The following BARD1 variants were observed in gnomAD, a reference collection of about 807,000 sequenced individuals.
BARD1 encodes the protein BRCA1-associated RING domain protein 1.
In BARD1, 73 loss-of-function variants were observed where a neutral mutation model predicts 77.0. That is an observed-to-expected ratio of 0.95 (90% CI 0.79 to 1.15). BARD1 has a LOEUF of 1.15. Among genes scored for constraint, BARD1 ranks in the 50% most tolerant of loss-of-function variants. The pLI, the probability that BARD1 is intolerant of heterozygous loss-of-function variation, is 0.00. For missense variants in BARD1, 993 were observed against 938.8 expected (o/e 1.06, Z -0.75); for synonymous variants, 384 against 338.0 (o/e 1.14, Z -1.49).
intron 1 of BARD1, among the ~76,000 whole-genome samples, chr2:214,800,202 G>A (rs1695953174): frequency 6.6e-6 from 1 of 152,164 alleles, no homozygotes; most frequent in Non-Finnish European, 1.5e-5. Flanking sequence ...TATTAGTAAT[G>A]ATTTAACATG....
At chr2:214,750,537 T>C (rs1401848626) in intron 7 of BARD1, among the ~76,000 whole-genome samples, 2 of 152,178 alleles carry the variant, frequency 1.3e-5, no homozygotes, top group East Asian at 1.9e-4. Flanking sequence ...ATTCTCACTT[T>C]GTACACCTGA....
In BARD1 at chr2:214,781,949, T is replaced by G. The variant is rs1331691614; in HGVS notation, c.365-440A>C. On this transcript the variant is annotated intron_variant, in intron 3 of 10. Coordinates refer to ENST00000260947, the MANE Select transcript of BARD1 (RefSeq NM_000465.4). ...GATTTACAGATATAACAAATCCCAA[T>G]GTAATTTCCAGTAGGCTTGTTTGTA... is the stretch of plus-strand genomic sequence containing the variant. 3.3e-5 allele frequency among the ~76,000 whole-genome samples: 5 copies of G among 152,156 alleles called. No homozygotes were observed. In the East Asian group the frequency reaches 9.6e-4, roughly 29 times the overall value.
chr2:214,809,012 A>C (rs1696420927), intron 1 of BARD1, among the ~76,000 whole-genome samples: 1 of 152,320 alleles, frequency 6.6e-6, no homozygotes, highest in Admixed American at 6.5e-5. Flanking sequence ...CCGCCAGCCC[A>C]ATTCGCCACA....
chr2:214,735,092 G>A (rs1403528849), intron 9 of BARD1, among the ~76,000 whole-genome samples: 1 of 151,990 alleles, frequency 6.6e-6, no homozygotes, highest in East Asian at 1.9e-4. Flanking sequence ...GTATACTGTT[G>A]ACTCATTAAG....
At chr2:214,739,571 A>C (rs1692720727) in intron 9 of BARD1, among the ~76,000 whole-genome samples, 1 of 152,092 alleles carries the variant, frequency 6.6e-6, no homozygotes, top group Non-Finnish European at 1.5e-5. Context: ...ATGAAAAAAC[A>C]GTAGCATACT....
At chr2:214,793,907 A>C (rs979921044) in intron 2 of BARD1, among the ~76,000 whole-genome samples, 1 of 152,140 alleles carries the variant, frequency 6.6e-6, no homozygotes, top group Non-Finnish European at 1.5e-5. Context: ...ACAGAGTATA[A>C]AAATTTATTG....
intron 6 of BARD1, among the ~76,000 whole-genome samples, chr2:214,761,984 T>C (rs1244091503): frequency 1.3e-5 from 2 of 152,186 alleles, no homozygotes; most frequent in Admixed American, 6.5e-5. Context: ...AGCTCTCCTA[T>C]ATATCAAGAA....
At chr2:214,804,334 A>G (rs1333560614) in intron 1 of BARD1, among the ~76,000 whole-genome samples, 1 of 152,218 alleles carries the variant, frequency 6.6e-6, no homozygotes, top group Non-Finnish European at 1.5e-5. Context: ...ACCTTAACCT[A>G]AGTTCTTTCA....
At chr2:214,764,968 C>A (rs901325515) in intron 6 of BARD1, among the ~76,000 whole-genome samples, 4 of 152,196 alleles carry the variant, frequency 2.6e-5, no homozygotes, top group Admixed American at 2.0e-4. Context: ...CCCTACTATC[C>A]TTTATCCAAT....
At position 214,745,798 on chromosome 2, in the gene BARD1, A is replaced by T. The variant is rs373449212; in HGVS notation, c.1734T>A (p.Ser578=). 19 of 1,614,056 alleles carry T rather than the reference A, an allele frequency of 1.2e-5. No homozygotes were observed. The African/African-American group carries it at 2.3e-4, about 19-fold the overall frequency. ...CACTGAGCATTTTCTGTTGTTCTGA[A>T]GACAGCCCACTGCCTATAAGTACAA... The part of the protein sequence containing the change: ...GPLVLIGSGL[S]SEQQKMLSEL... Residue 578 remains serine, a synonymous_variant, in exon 8 of 11, where the codon TCT becomes TCA. Coordinates refer to ENST00000260947, the MANE Select transcript of BARD1 (RefSeq NM_000465.4).
At chr2:214,809,390 C>G (rs768570863) in intron 1 of BARD1, 22 bp downstream of exon 1, 1 of 1,612,108 alleles carries the variant, frequency 6.2e-7, no homozygotes, top group South Asian at 1.1e-5. Context: ...TCGCAGCCAC[C>G]CCCAAGAAGC....
In BARD1 at chr2:214,753,783, C is replaced by T. The variant is rs576321428; in HGVS notation, c.1569-1228G>A. 1.1e-3 allele frequency among the ~76,000 whole-genome samples: 161 copies of T among 152,196 alleles called. 1 individual carries two copies. The highest frequency in any genetic ancestry group is 2.0e-3 in the Non-Finnish European group (134 of 67,986). On this transcript the variant is annotated intron_variant, in intron 6 of 10. Transcript: ENST00000260947. ...CTAATGTATTAGAATAAGAAATGAA[C>T]CACAGCAAATGTTTCTCTAATGACT...
chr2:214,754,389 T>C (rs1312878018), intron 6 of BARD1, among the ~76,000 whole-genome samples: 2 of 151,880 alleles, frequency 1.3e-5, no homozygotes, highest in African/African-American at 4.8e-5. Flanking sequence ...ACTAGGACTT[T>C]TTGACAGAGA....
intron 9 of BARD1, among the ~76,000 whole-genome samples, chr2:214,743,787 T>C (rs1247159619): frequency 6.6e-6 from 1 of 152,190 alleles, no homozygotes; most frequent in South Asian, 2.1e-4. Context: ...GTTTGCCATG[T>C]TGGCCTGGCT....
chr2:214,738,173 T>G (rs1172915217), intron 9 of BARD1, among the ~76,000 whole-genome samples: 1 of 152,214 alleles, frequency 6.6e-6, no homozygotes, highest in Non-Finnish European at 1.5e-5. Flanking sequence ...TTGAAGGTTT[T>G]GACTGAAGCT....
At chr2:214,757,503 A>G (rs1198348032) in intron 6 of BARD1, among the ~76,000 whole-genome samples, 1 of 152,218 alleles carries the variant, frequency 6.6e-6, no homozygotes, top group Non-Finnish European at 1.5e-5. Context: ...TGATGTTGAT[A>G]GAACCTATGT....
At chr2:214,742,616 C>G (rs929745838) in intron 9 of BARD1, among the ~76,000 whole-genome samples, 5 of 152,126 alleles carry the variant, frequency 3.3e-5, no homozygotes, top group African/African-American at 1.2e-4. Flanking sequence ...CACCAAATAG[C>G]ACACTATTAA....
At chr2:214,732,950 G>C (rs1692420033) in intron 9 of BARD1, among the ~76,000 whole-genome samples, 1 of 152,148 alleles carries the variant, frequency 6.6e-6, no homozygotes, top group African/African-American at 2.4e-5. Context: ...AAAAAAATGT[G>C]TTTGAGTCCT....
chr2:214,772,999 A>C (rs775051846), intron 4 of BARD1, among the ~76,000 whole-genome samples: 8 of 152,196 alleles, frequency 5.3e-5, no homozygotes, highest in Non-Finnish European at 8.8e-5. Context: ...GCCAAGGCTT[A>C]TTAAAAATTT....
Sources: allele counts gnomAD v4.1 joint callset (sites outside exome capture counted in the v4.1 genomes callset), GRCh38; gene constraint gnomAD v4.1.1; transcripts MANE v1.5; gene names NCBI Gene and HGNC (gene_info 2026-07-23, HGNC 2026-07-21).